The following MPV17L variants were observed in gnomAD, a reference collection of about 807,000 sequenced individuals.
MPV17L encodes the protein MPV17 mitochondrial inner membrane protein like.
In MPV17L, 24 loss-of-function variants were observed where a neutral mutation model predicts 25.8. The ratio of observed to expected loss-of-function variants is 0.93; its 90% CI spans 0.67 to 1.31. The LOEUF is 1.31. Ranked by LOEUF, MPV17L falls within the 50% of genes most tolerant of loss-of-function variation. The pLI is 0.00. For missense variants in MPV17L, 250 were observed against 265.6 expected (o/e 0.94, Z 0.41); for synonymous variants, 102 against 115.3 (o/e 0.88, Z 0.74).
At chr16:15,400,357 T>C (rs1338062531) in intron 1 of MPV17L, among the ~76,000 whole-genome samples, 1 of 150,042 alleles carries the variant, frequency 6.7e-6, no homozygotes, top group Non-Finnish European at 1.5e-5. Context: ...TTTTTTTTTT[T>C]TTTTTTTGTT....
chr16:15,405,801 T>C (rs1434822857), intron 2 of MPV17L, among the ~76,000 whole-genome samples: 1 of 151,808 alleles, frequency 6.6e-6, no homozygotes, highest in Non-Finnish European at 1.5e-5. Flanking sequence ...TCCCAGCACT[T>C]TGGGAGGCTG....
At chr16:15,400,320 T>C (rs982715826) in intron 1 of MPV17L, among the ~76,000 whole-genome samples, 40 of 151,890 alleles carry the variant, frequency 2.6e-4, no homozygotes, top group African/African-American at 9.7e-4. Context: ...AAAATTTATC[T>C]AGTTTTAGAG....
At chr16:15,405,273 C>A (rs1158700071) in intron 2 of MPV17L, among the ~76,000 whole-genome samples, 3 of 151,658 alleles carry the variant, frequency 2.0e-5, no homozygotes, top group African/African-American at 4.8e-5. Context: ...CACAGTGGCT[C>A]CTGTAATCCT....
At chr16:15,401,089 T>TTA (rs2050636482) in intron 2 of MPV17L, among the ~76,000 whole-genome samples, 1 of 116,072 alleles carries the variant, frequency 8.6e-6, no homozygotes, top group Non-Finnish European at 1.8e-5. Flanking sequence ...TATATATATT[T>TTA]TTTTTTTTTT....
rs564744295 is a variant in MPV17L, at chr16:15,409,452, A to G, written c.*1340A>G. 1 of 152,128 alleles carries G rather than the reference A, an allele frequency of 6.6e-6. No individual in the cohort carries two copies. The highest frequency in any genetic ancestry group is 1.9e-4 in the East Asian group (1 of 5,176). The allele number at this position is 152,128 out of a possible 1,614,324, so 9.4% of individuals were successfully genotyped here. A position where few individuals can be genotyped will look rare whatever the true frequency, so the allele number is the denominator to read the frequency against. On this transcript the variant is annotated 3_prime_UTR_variant, in exon 4 of 4. Transcript: ENST00000396385. ...TTGTGATATGTTACTGCCCCACCCTAACTGATCAATGTACTTTGTAATCCT... is the reference window on the plus strand; with the variant it reads ...TTGTGATATGTTACTGCCCCACCCTGACTGATCAATGTACTTTGTAATCCT...
chr16:15,407,491 C>T (rs2050690965), intron 2 of MPV17L, among the ~76,000 whole-genome samples: 1 of 121,062 alleles, frequency 8.3e-6, no homozygotes. Context: ...ACCTGTAATC[C>T]CAGCACTTTG....
rs376771092 is a variant in MPV17L at position 15,411,378 on chromosome 16, G to C, written c.*3266G>C. On this transcript the variant is annotated 3_prime_UTR_variant, in exon 4 of 4. Coordinates refer to ENST00000396385, the MANE Select transcript of MPV17L (RefSeq NM_001128423.2). Reference sequence around the variant, plus strand: ...AAAGTACTTGGGGCTGGGCATGATCGCTTATGTCTATAATCCAAGTGCTTT... The same window carrying C: ...AAAGTACTTGGGGCTGGGCATGATCCCTTATGTCTATAATCCAAGTGCTTT... The C allele has an allele frequency of 6.6e-6, 1 of 152,204 alleles. No homozygotes were observed. The highest frequency in any genetic ancestry group is 1.5e-5 in the Non-Finnish European group (1 of 68,068). The allele number at this position is 152,204 out of a possible 1,614,324, so 9.4% of individuals were successfully genotyped here.
rs1355850878 is a variant in MPV17L at position 15,412,792 on chromosome 16, G to A, written c.*4680G>A. On this transcript the variant is annotated 3_prime_UTR_variant, in exon 4 of 4. Transcript: ENST00000396385. ...AGTCGGGGTTTCACTGTGTTAGCCA[G>A]GATGGTCTCAACCTCCTGACCTCGT... The A allele has an allele frequency of 6.6e-6, 1 of 150,818 alleles. No homozygotes were observed. Among genetic ancestry groups the A allele is most frequent in the Non-Finnish European group, 1.5e-5 (1 of 67,868 alleles). 9.3% of individuals were successfully genotyped at this position (150,818 alleles called of 1,614,324 possible).
rs2150910591 is a variant in MPV17L at position 15,412,701 on chromosome 16, T to C, written c.*4589T>C. 6.6e-6 allele frequency: 1 copy of C among 151,352 alleles called. No individual in the cohort carries two copies. Among genetic ancestry groups the C allele is most frequent in the Non-Finnish European group, 1.5e-5 (1 of 67,876 alleles). 9.4% of individuals were successfully genotyped at this position (151,352 alleles called of 1,614,324 possible). A position where few individuals can be genotyped will look rare whatever the true frequency, so the allele number is the denominator to read the frequency against. ...CGCCATTCTCCTGCCTCAGCCCAAG[T>C]AGCAGGGACTAAAGGCGCCCGCCAC... On this transcript the variant is annotated 3_prime_UTR_variant, in exon 4 of 4. Coordinates refer to ENST00000396385, the MANE Select transcript of MPV17L (RefSeq NM_001128423.2).
chr16:15,406,449 CT>C (rs1172159227), intron 2 of MPV17L, among the ~76,000 whole-genome samples: 5 of 151,692 alleles, frequency 3.3e-5, no homozygotes, highest in African/African-American at 1.2e-4. Context: ...CATACCAAGA[CT>C]TTTTTTTAAA....
intron 2 of MPV17L, among the ~76,000 whole-genome samples, chr16:15,404,778 C>T (rs150339104): frequency 0.064 from 9,747 of 152,006 alleles, 417 homozygotes; most frequent in South Asian, 0.11. Context: ...GCTGAGATTG[C>T]ACCACTGCAC....
At chr16:15,398,957 G>A (rs2150904505) in intron 1 of MPV17L, among the ~76,000 whole-genome samples, 1 of 152,186 alleles carries the variant, frequency 6.6e-6, no homozygotes, top group African/African-American at 2.4e-5. Flanking sequence ...GAAGTGGAAG[G>A]GGATAGAGTG....
intron 2 of MPV17L, among the ~76,000 whole-genome samples, chr16:15,407,249 G>A (rs1191130470): frequency 2.0e-5 from 3 of 152,028 alleles, no homozygotes; most frequent in Non-Finnish European, 4.4e-5. Flanking sequence ...TCATTCTGGT[G>A]TTAAAAATAT....
intron 2 of MPV17L, among the ~76,000 whole-genome samples, chr16:15,403,886 A>G (rs1169890221): frequency 6.6e-6 from 1 of 151,946 alleles, no homozygotes; most frequent in East Asian, 1.9e-4. Flanking sequence ...GATTTCCTTT[A>G]AAGAGGCAGG....
intron 2 of MPV17L, among the ~76,000 whole-genome samples, chr16:15,404,313 C>T (rs548208520): frequency 4.6e-5 from 7 of 152,144 alleles, no homozygotes; most frequent in Non-Finnish European, 8.8e-5. Flanking sequence ...TGTTGAACAC[C>T]CAGAGCTGAG....
At chr16:15,398,988 C>T (rs2050611295) in intron 1 of MPV17L, among the ~76,000 whole-genome samples, 1 of 152,024 alleles carries the variant, frequency 6.6e-6, no homozygotes, top group Non-Finnish European at 1.5e-5. Flanking sequence ...TAAGGCTTTA[C>T]ATGGAAATTG....
At chr16:15,397,487 T>C (rs574292705) in intron 1 of MPV17L, among the ~76,000 whole-genome samples, 2 of 152,096 alleles carry the variant, frequency 1.3e-5, no homozygotes, top group African/African-American at 4.8e-5. Context: ...TCTTTGGAGA[T>C]CCCCCGTCTG....
At chr16:15,397,819 G>C (rs977831897) in intron 1 of MPV17L, among the ~76,000 whole-genome samples, 6 of 151,766 alleles carry the variant, frequency 4.0e-5, no homozygotes, top group African/African-American at 1.2e-4. Context: ...TGTCATTGCG[G>C]CCAACTACAT....
chr16:15,407,754 AC>A, intron 2 of MPV17L, 69 bp from the exon 3 acceptor site: 1 of 1,455,700 alleles, frequency 6.9e-7, no homozygotes, highest in Non-Finnish European at 9.4e-7. Context: ...AAAATAAAAA[AC>A]AAAATAAATA....
Sources: gnomAD v4.1 joint callset for allele counts (sites outside exome capture counted in the v4.1 genomes callset) on GRCh38, gnomAD v4.1.1 for gene constraint, MANE v1.5 for transcripts, NCBI Gene and HGNC (gene_info 2026-07-23, HGNC 2026-07-21) for gene names.